Variants in ERBIN observed in about 807,000 individuals in gnomAD.
The protein encoded by ERBIN is densin-180-like protein.
ERBIN carries 60 observed loss-of-function variants against 158.4 expected under a neutral mutation model. The observed-to-expected ratio is 0.38, with a 90% CI of 0.31 to 0.47. The LOEUF is 0.47. ERBIN is among the 20% of genes least tolerant of loss of function. The pLI is 0.99. For missense variants in ERBIN, 1,610 were observed against 1,648.0 expected (o/e 0.98, Z 0.40); for synonymous variants, 594 against 557.2 (o/e 1.07, Z -0.93).
At chr5:65,948,421 C>T (rs1746071571) in intron 1 of ERBIN, among the ~76,000 whole-genome samples, 1 of 151,958 alleles carries the variant, frequency 6.6e-6, no homozygotes, top group Non-Finnish European at 1.5e-5. Context: ...AAATGATTCT[C>T]CTGCTGCAGC....
chr5:66,058,021 A>T (rs1321677097), intron 21 of ERBIN, among the ~76,000 whole-genome samples: 1 of 152,156 alleles, frequency 6.6e-6, no homozygotes, highest in Non-Finnish European at 1.5e-5. Flanking sequence ...TAATAGCAGC[A>T]TGATTTATAA....
At chr5:66,073,844 T>A (rs1452870834) in intron 22 of ERBIN, among the ~76,000 whole-genome samples, 1 of 152,064 alleles carries the variant, frequency 6.6e-6, no homozygotes, top group African/African-American at 2.4e-5. Flanking sequence ...CAAAAATCTT[T>A]TTATATGCAA....
At chr5:66,058,717 G>A (rs1033491423) in intron 21 of ERBIN, among the ~76,000 whole-genome samples, 44 of 148,140 alleles carry the variant, frequency 3.0e-4, no homozygotes, top group Non-Finnish European at 5.0e-4. Context: ...TTAGTATAAG[G>A]TGTAAGGAAG....
chr5:66,054,637 T>C lies in ERBIN; in HGVS notation c.3319T>C (p.Tyr1107His). ...GATTCCTGAAGGAGATTATTTATCA[T>C]ACAGAGAGTTCCACTCAGCGGGAAG... ...AQIPEGDYLS[Y>H]REFHSAGRTP... The change falls in exon 21 of 26, where the codon TAC (tyrosine) becomes CAC (histidine). Residue 1107 changes from tyrosine to histidine, a missense_variant. Coordinates refer to ENST00000284037, the MANE Select transcript of ERBIN (RefSeq NM_001253697.2). 1.9e-6 allele frequency: 3 copies of C among 1,614,112 alleles called. No individual in the cohort carries two copies. Among genetic ancestry groups the C allele is most frequent in the Non-Finnish European group, 2.5e-6 (3 of 1,180,016 alleles).
At chr5:65,972,376 C>T (rs1749362093) in intron 1 of ERBIN, among the ~76,000 whole-genome samples, 1 of 151,404 alleles carries the variant, frequency 6.6e-6, no homozygotes, top group Admixed American at 6.6e-5. Flanking sequence ...TGCTATTAAA[C>T]TTTGCATCTA....
chr5:65,996,159 G>A (rs1367876322), intron 4 of ERBIN, among the ~76,000 whole-genome samples: 2 of 150,078 alleles, frequency 1.3e-5, no homozygotes, highest in East Asian at 3.9e-4. Context: ...TGCTTTTGGG[G>A]TCATATTAAG....
intron 22 of ERBIN, 21 bp downstream of exon 22, chr5:66,072,312 A>C (rs775831577): frequency 5.9e-5 from 91 of 1,549,186 alleles, no homozygotes; most frequent in Non-Finnish European, 7.9e-5. Context: ...GGGAAAACAA[A>C]ATGTAGTATC....
At chr5:66,003,218 A>G (rs1005928575) in intron 4 of ERBIN, among the ~76,000 whole-genome samples, 3 of 152,164 alleles carry the variant, frequency 2.0e-5, no homozygotes, top group Non-Finnish European at 2.9e-5. Flanking sequence ...CTTAAATTCA[A>G]CAACTGGGAC....
chr5:66,013,481 G>A, intron 5 of ERBIN, 68 bp from the exon 6 acceptor site: 1 of 1,097,040 alleles, frequency 9.1e-7, no homozygotes, highest in Non-Finnish European at 1.4e-6. Flanking sequence ...TCTTGTGAGA[G>A]TCTTAGATTT....
At chr5:65,981,659 AAAC>A (rs1256684184) in intron 1 of ERBIN, among the ~76,000 whole-genome samples, 4 of 152,198 alleles carry the variant, frequency 2.6e-5, no homozygotes, top group African/African-American at 2.4e-5. Context: ...AACAAAAAAA[AAAC>A]AATTGTTTTA....
At chr5:65,956,330 T>G (rs917838867) in intron 1 of ERBIN, among the ~76,000 whole-genome samples, 27 of 151,876 alleles carry the variant, frequency 1.8e-4, no homozygotes, top group Non-Finnish European at 3.2e-4. Flanking sequence ...ATCTTTTCAC[T>G]GAACTGGGAT....
chr5:66,018,506 T>A (rs796099155), intron 7 of ERBIN, among the ~76,000 whole-genome samples: 1,536 of 5,516 alleles, frequency 0.28, 490 homozygotes, highest in African/African-American at 0.38. Context: ...ATAATATATA[T>A]TATATATTAT....
intron 14 of ERBIN, among the ~76,000 whole-genome samples, chr5:66,032,458 G>A (rs1044593505): frequency 1.4e-4 from 22 of 152,174 alleles, no homozygotes; most frequent in Non-Finnish European, 1.0e-4. Flanking sequence ...ACATGTATAA[G>A]TTGTGTCTGT....
chr5:65,960,952 C>T (rs545643060), intron 1 of ERBIN, among the ~76,000 whole-genome samples: 10 of 152,150 alleles, frequency 6.6e-5, no homozygotes, highest in Non-Finnish European at 1.0e-4. Context: ...ATTTTGACAA[C>T]GAAAATGTTA....
intron 23 of ERBIN, among the ~76,000 whole-genome samples, chr5:66,075,727 G>A (rs1386997761): frequency 6.6e-6 from 1 of 152,056 alleles, no homozygotes; most frequent in Admixed American, 6.6e-5. Flanking sequence ...ATTCATTTTG[G>A]TTGTGTCTCT....
intron 18 of ERBIN, 21 bp from the exon 19 acceptor site, chr5:66,048,646 C>A: frequency 1.4e-6 from 2 of 1,454,588 alleles, no homozygotes; most frequent in Non-Finnish European, 1.9e-6. Context: ...ATTTTTATCC[C>A]CCTCACCCCC....
At chr5:65,968,376 T>C (rs1748893132) in intron 1 of ERBIN, among the ~76,000 whole-genome samples, 1 of 152,132 alleles carries the variant, frequency 6.6e-6, no homozygotes, top group South Asian at 2.1e-4. Flanking sequence ...AGTGCCTTTC[T>C]TGTGTGGAAA....
intron 14 of ERBIN, among the ~76,000 whole-genome samples, chr5:66,029,259 T>A (rs1756594793): frequency 6.6e-6 from 1 of 152,240 alleles, no homozygotes; most frequent in Non-Finnish European, 1.5e-5. Flanking sequence ...GTGTAAGGAT[T>A]CCTTGTAAGT....
intron 1 of ERBIN, among the ~76,000 whole-genome samples, chr5:65,938,748 T>C (rs1297844315): frequency 6.6e-6 from 1 of 152,136 alleles, no homozygotes; most frequent in East Asian, 1.9e-4. Context: ...AGACGGGGTT[T>C]CACCATATTG....
Sources: allele counts gnomAD v4.1 joint callset (sites outside exome capture counted in the v4.1 genomes callset), GRCh38; gene constraint gnomAD v4.1.1; transcripts MANE v1.5; gene names NCBI Gene and HGNC (gene_info 2026-07-23, HGNC 2026-07-21).